The following EPB41L2 variants were observed in gnomAD, a reference collection of about 807,000 sequenced individuals.
EPB41L2 encodes the protein band 4.1-like protein 2.
A neutral mutation model predicts 113.0 loss-of-function variants in EPB41L2; 43 were observed. The observed-to-expected ratio is 0.38, with a 90% confidence interval of 0.30 to 0.49. The LOEUF is 0.49. Ranked by LOEUF, EPB41L2 falls within the 20% of genes least tolerant of loss-of-function variation. The probability of loss-of-function intolerance (pLI) is 0.95; values close to 1 mark genes in which losing one functional copy is unlikely to be tolerated. For synonymous variants in EPB41L2, 442 were observed against 436.7 expected (o/e 1.01, Z -0.15); for missense variants, 1,147 against 1,223.4 (o/e 0.94, Z 0.93).
rs552940907 is a variant in EPB41L2 at position 130,900,889 on chromosome 6, G to A, written c.1148+73C>T. The A allele has an allele frequency of 1.6e-5, 25 of 1,517,352 alleles. No homozygotes were observed. The East Asian group carries it at 5.0e-4, about 30-fold the overall frequency. 94.0% of individuals were successfully genotyped at this position (1,517,352 alleles called of 1,614,324 possible). A position where few individuals can be genotyped will look rare whatever the true frequency, so the allele number is the denominator to read the frequency against. On this transcript the variant is annotated intron_variant, in intron 7 of 19. Coordinates refer to ENST00000337057, the MANE Select transcript of EPB41L2 (RefSeq NM_001431.4). ...ATAATCCTGTAAATCATGCTCAAAT[G>A]TCTAGTAAGTGCTACAAGAGAAGCT...
chr6:130,936,131 T>C (rs1292557433), intron 3 of EPB41L2, among the ~76,000 whole-genome samples: 6 of 152,240 alleles, frequency 3.9e-5, no homozygotes, highest in African/African-American at 9.6e-5. Context: ...ATTCCATAAA[T>C]GCCTTCCTTT....
chr6:130,972,042 G>A (rs1776921381), intron 1 of EPB41L2, among the ~76,000 whole-genome samples: 1 of 152,104 alleles, frequency 6.6e-6, no homozygotes, highest in Admixed American at 6.5e-5. Context: ...GACTAAAAAT[G>A]GCCAGGTCCA....
intron 5 of EPB41L2, 26 bp from the exon 6 acceptor site, chr6:130,904,566 T>C (rs1202473813): frequency 2.6e-5 from 38 of 1,446,102 alleles, no homozygotes; most frequent in Non-Finnish European, 3.7e-5. Context: ...ATCACAGTTA[T>C]GCACCCAATT....
intron 1 of EPB41L2, among the ~76,000 whole-genome samples, chr6:130,959,961 G>C (rs553583605): frequency 1.3e-5 from 2 of 152,288 alleles, no homozygotes; most frequent in East Asian, 3.9e-4. Flanking sequence ...TATAAAACTT[G>C]AGTTTCCACT....
rs116680806 is a variant in EPB41L2 at position 130,972,611 on chromosome 6, G to A, written c.-14-16112C>T. 4.1e-3 allele frequency among the ~76,000 whole-genome samples: 628 copies of A among 151,416 alleles called. 4 individuals are homozygous for A. Among genetic ancestry groups the A allele is most frequent in the African/African-American group, 0.015 (600 of 41,294 alleles). ...TTCAGGACTCAGATAGACTATAAGT[G>A]CACTTGTGCATTTCTACAGCTTTAC... On this transcript the variant is annotated intron_variant, in intron 1 of 19. Coordinates refer to ENST00000337057, the MANE Select transcript of EPB41L2 (RefSeq NM_001431.4).
intron 8 of EPB41L2, among the ~76,000 whole-genome samples, chr6:130,899,258 T>C (rs1450876062): frequency 6.6e-6 from 1 of 151,312 alleles, no homozygotes; most frequent in Non-Finnish European, 1.5e-5. Flanking sequence ...TAAGTACCTA[T>C]GAAAGGGCAT....
intron 14 of EPB41L2, 25 bp from the exon 15 acceptor site, chr6:130,870,151 G>T (rs764078301): frequency 6.4e-7 from 1 of 1,572,596 alleles, no homozygotes; most frequent in Non-Finnish European, 8.6e-7. Flanking sequence ...ATGGATGAGG[G>T]AAAACAAAAA....
rs756795637 is a variant in EPB41L2 at position 130,894,919 on chromosome 6, C to T, written c.1389+48G>A. ...AGAAAAGAATTTTTAAATTCATGGT[C>T]GTAAACAGGCCGACTAACAACAACT... On this transcript the variant is annotated intron_variant, in intron 9 of 19. Coordinates refer to ENST00000337057, the MANE Select transcript of EPB41L2 (RefSeq NM_001431.4). 30 of 1,550,452 alleles carry T rather than the reference C, an allele frequency of 1.9e-5. No homozygotes were observed. The Middle Eastern group carries it at 1.0e-3, about 54-fold the overall frequency.
At chr6:131,000,925 C>G (rs9402309) in intron 1 of EPB41L2, among the ~76,000 whole-genome samples, 4 of 152,104 alleles carry the variant, frequency 2.6e-5, no homozygotes, top group Admixed American at 1.3e-4. Context: ...TATTTCACTT[C>G]TTTTTTTCCA....
intron 1 of EPB41L2, among the ~76,000 whole-genome samples, chr6:131,007,590 A>G (rs879567900): frequency 2.6e-5 from 4 of 152,120 alleles, no homozygotes; most frequent in Non-Finnish European, 5.9e-5. Context: ...AAAGTCTGGA[A>G]CCTCCTAGAG....
intron 1 of EPB41L2, among the ~76,000 whole-genome samples, chr6:131,038,979 T>C (rs569945245): frequency 2.0e-5 from 3 of 151,406 alleles, no homozygotes; most frequent in African/African-American, 7.3e-5. Context: ...AAAACCAACA[T>C]TTTTTTTTAA....
chr6:131,019,238 T>C (rs62422362), intron 1 of EPB41L2, among the ~76,000 whole-genome samples: 42,740 of 152,058 alleles, frequency 0.28, 7,087 homozygotes, highest in Non-Finnish European at 0.37. Context: ...GTTAGATTTG[T>C]TCCTAGGAAA....
Position 130,955,260 on chromosome 6 carries a change from T to C in EPB41L2, c.550A>G (p.Lys184Glu). Residue 184 changes from lysine (K) to glutamate (E), a missense_variant, in exon 3 of 20, where the codon AAA (lysine) becomes GAA (glutamate). Physicochemically the swap from Lys to Glu is moderately conservative, Grantham distance 56. Transcript: ENST00000337057. ...CTTTTTGCTGCTCCTCCTTCTAATTTGTCTTCCTGTGTTTCTTTTACCTTC... is the reference window on the plus strand; with the variant it reads ...CTTTTTGCTGCTCCTCCTTCTAATTCGTCTTCCTGTGTTTCTTTTACCTTC... Reference protein sequence around the residue: ...EEKVKETQEDKLEGGAAKRET... With the variant: ...EEKVKETQEDELEGGAAKRET... The C allele has an allele frequency of 6.2e-7, 1 of 1,614,178 alleles. No individual in the cohort carries two copies. Among genetic ancestry groups the C allele is most frequent in the Non-Finnish European group, 8.5e-7 (1 of 1,180,030 alleles).
At chr6:130,891,211 G>A (rs764801704) in intron 10 of EPB41L2, among the ~76,000 whole-genome samples, 10 of 152,034 alleles carry the variant, frequency 6.6e-5, no homozygotes, top group Admixed American at 1.3e-4. Context: ...TCAAAAACAT[G>A]AAGAATTCCA....
At chr6:131,025,215 T>A (rs933807323) in intron 1 of EPB41L2, among the ~76,000 whole-genome samples, 1 of 152,168 alleles carries the variant, frequency 6.6e-6, no homozygotes, top group South Asian at 2.1e-4. Flanking sequence ...CCCCCCGGTA[T>A]GACTGGGACA....
intron 19 of EPB41L2, among the ~76,000 whole-genome samples, chr6:130,851,977 C>G (rs1280040012): frequency 6.6e-6 from 1 of 152,200 alleles, no homozygotes; most frequent in Non-Finnish European, 1.5e-5. Flanking sequence ...AAATCTCTCT[C>G]CTGCTCAGAA....
rs775556885 is a variant in EPB41L2 at position 130,890,391 on chromosome 6, G to A, written c.1563C>T (p.Thr521=). 3.1e-6 allele frequency: 5 copies of A among 1,613,378 alleles called. No individual in the cohort carries two copies. In the East Asian group the frequency reaches 1.1e-4, roughly 36 times the overall value. Residue 521 remains threonine (T), a synonymous_variant, in exon 11 of 20, where the codon ACC becomes ACT. Coordinates refer to ENST00000337057, the MANE Select transcript of EPB41L2 (RefSeq NM_001431.4). The part of the protein sequence containing the change: ...LGSKFRYSGR[T]QAQTRQASTL... The stretch of plus-strand genomic sequence containing the variant: ...TGCTGGCCTGGCGGGTCTGTGCTTG[G>A]GTGCGGCCACTATAGCGAAATTTGG...
intron 10 of EPB41L2, among the ~76,000 whole-genome samples, chr6:130,890,845 A>G (rs549775408): frequency 9.0e-4 from 137 of 152,206 alleles, no homozygotes; most frequent in Non-Finnish European, 1.7e-3. Flanking sequence ...AATTCTTAAT[A>G]TTTATGCCTA....
intron 4 of EPB41L2, among the ~76,000 whole-genome samples, chr6:130,919,722 C>T (rs1365058596): frequency 6.6e-6 from 1 of 152,132 alleles, no homozygotes; most frequent in Admixed American, 6.5e-5. Context: ...AACTGAGAAC[C>T]CTGCTAATAC....
Sources: allele counts gnomAD v4.1 joint callset (sites outside exome capture counted in the v4.1 genomes callset), GRCh38; gene constraint gnomAD v4.1.1; transcripts MANE v1.5; gene names NCBI Gene and HGNC (gene_info 2026-07-23, HGNC 2026-07-21).